TSHZ3: variants seen among roughly 807,000 people sequenced by gnomAD.
The protein encoded by TSHZ3 is teashirt zinc finger homeobox 3.
Under a neutral mutation model 64.5 loss-of-function variants are expected in TSHZ3, and 10 were observed. The ratio of observed to expected loss-of-function variants is 0.16; its 90% CI spans 0.10 to 0.26. The LOEUF is 0.26. Ranked by LOEUF, TSHZ3 falls within the 10% of genes least tolerant of loss-of-function variation. TSHZ3 has a pLI of 1.00. For missense variants in TSHZ3, 1,242 were observed against 1,421.7 expected (o/e 0.87, Z 2.03); for synonymous variants, 608 against 593.1 (o/e 1.03, Z -0.36).
At chr19:31,217,449 G>A (rs1261008448) in intron 4 of TSHZ3, among the ~76,000 whole-genome samples, 1 of 152,026 alleles carries the variant, frequency 6.6e-6, no homozygotes. Flanking sequence ...TTAAGAAAAG[G>A]GAGGTCGTAA....
Position 31,278,567 on chromosome 19 carries a change from C to T in TSHZ3, c.1226G>A (p.Gly409Asp). The T allele has an allele frequency of 6.2e-7, 1 of 1,614,142 alleles. No individual in the cohort carries two copies. The highest frequency in any genetic ancestry group is 1.1e-5 in the South Asian group (1 of 91,082). The stretch of plus-strand genomic sequence containing the variant: ...AGAGTTGGTGACCTTGATGAAGTGG[C>T]CAGTGACCATCATGTGGGCAGTGAG... The part of the protein sequence containing the change: ...QELTAHMMVT[G>D]HFIKVTNSAM... Residue 409 changes from glycine (G) to aspartate (D), a missense_variant, in exon 2 of 2, where the codon GGC (glycine) becomes GAC (aspartate). Coordinates refer to ENST00000240587, the MANE Select transcript of TSHZ3 (RefSeq NM_020856.4). The surrounding 1 kb of genome is among the most constrained non-coding windows in gnomAD (Gnocchi z 4.7).
chr19:31,206,067 G>T (rs1952785753), intron 4 of TSHZ3, among the ~76,000 whole-genome samples: 1 of 148,776 alleles, frequency 6.7e-6, no homozygotes, highest in Admixed American at 6.9e-5. Context: ...TGAATAGATG[G>T]ATGGGTGAAA....
At chr19:31,266,960 C>T (rs944326411) in intron 1 of TSHZ3, among the ~76,000 whole-genome samples, 29 of 152,176 alleles carry the variant, frequency 1.9e-4, no homozygotes, top group African/African-American at 6.0e-4. Flanking sequence ...GGGCCCTGTC[C>T]GGCCCAAGGA....
intron 5 of TSHZ3, among the ~76,000 whole-genome samples, chr19:31,160,883 T>C (rs1013435713): frequency 3.9e-5 from 6 of 152,144 alleles, no homozygotes; most frequent in Admixed American, 3.9e-4. Context: ...AATGAATATA[T>C]ATATATGCTT....
chr19:31,254,786 G>A (rs760249185), intron 1 of TSHZ3, among the ~76,000 whole-genome samples: 13 of 152,166 alleles, frequency 8.5e-5, no homozygotes, highest in Non-Finnish European at 1.3e-4. Flanking sequence ...TAAGGACAGC[G>A]GGAAGTGGCC....
intron 1 of TSHZ3, among the ~76,000 whole-genome samples, chr19:31,332,579 A>C (rs1007073404): frequency 2.0e-5 from 3 of 152,222 alleles, no homozygotes; most frequent in Admixed American, 6.5e-5. Context: ...GCACAGGGCC[A>C]TCACCCATCC....
intron 3 of TSHZ3, among the ~76,000 whole-genome samples, chr19:31,229,179 T>TA (rs1278527840): frequency 2.0e-5 from 3 of 152,226 alleles, no homozygotes; most frequent in African/African-American, 7.2e-5. Context: ...CAAATTTTAA[T>TA]AAAGTTTTCT....
chr19:31,268,815 G>C (rs1273488604), intron 1 of TSHZ3, among the ~76,000 whole-genome samples: 1 of 152,156 alleles, frequency 6.6e-6, no homozygotes, highest in Non-Finnish European at 1.5e-5. Flanking sequence ...AGAGAGATGA[G>C]CTCTGAGTCT....
intron 1 of TSHZ3, among the ~76,000 whole-genome samples, chr19:31,319,743 T>C (rs928468454): frequency 6.6e-6 from 1 of 152,142 alleles, no homozygotes. Context: ...TAACACCTTT[T>C]GTCGCCCTCA....
chr19:31,161,645 C>G (rs565346781), intron 5 of TSHZ3, among the ~76,000 whole-genome samples: 3 of 152,340 alleles, frequency 2.0e-5, no homozygotes, highest in East Asian at 3.9e-4. Context: ...TCACCCTTCC[C>G]CTCAGTAACT....
intron 4 of TSHZ3, among the ~76,000 whole-genome samples, chr19:31,215,815 G>A (rs1446574376): frequency 6.6e-6 from 1 of 152,066 alleles, no homozygotes; most frequent in African/African-American, 2.4e-5. Flanking sequence ...AGCTTGCAGT[G>A]AGCCGAGATC....
At chr19:31,194,084 G>A (rs368732747) in intron 5 of TSHZ3, among the ~76,000 whole-genome samples, 1 of 150,890 alleles carries the variant, frequency 6.6e-6, no homozygotes, top group African/African-American at 2.4e-5. Context: ...TTACTAGATA[G>A]AAATTCATGA....
intron 1 of TSHZ3, among the ~76,000 whole-genome samples, chr19:31,262,253 C>T (rs972736581): frequency 1.3e-5 from 2 of 152,214 alleles, no homozygotes; most frequent in South Asian, 2.1e-4. Context: ...TCTACCTCCG[C>T]GGTACAGTAC....
intron 1 of TSHZ3, among the ~76,000 whole-genome samples, chr19:31,299,546 T>C (rs1568373570): frequency 6.6e-6 from 1 of 152,154 alleles, no homozygotes; most frequent in South Asian, 2.1e-4. Flanking sequence ...TTTCTGGATG[T>C]AGCAAAGCCT....
intron 1 of TSHZ3, among the ~76,000 whole-genome samples, chr19:31,287,218 A>G (rs539325154): frequency 9.8e-4 from 150 of 152,298 alleles, no homozygotes; most frequent in African/African-American, 2.7e-3. Context: ...CCGCTCCCCA[A>G]TGCAATTTCC....
chr19:31,162,473 T>G (rs1974384825), intron 5 of TSHZ3, among the ~76,000 whole-genome samples: 2 of 152,018 alleles, frequency 1.3e-5, no homozygotes, highest in Admixed American at 6.6e-5. Context: ...CTTGAATGGA[T>G]GAATGAGTAA....
chr19:31,200,794 G>A (rs1975072333), intron 5 of TSHZ3, among the ~76,000 whole-genome samples: 1 of 152,158 alleles, frequency 6.6e-6, no homozygotes. Context: ...CACAGTGTGG[G>A]CTGTTGGTAA....
rs750988653 is a variant in TSHZ3 at position 31,279,583 on chromosome 19, A to G, written c.210T>C (p.His70=). 4 of 1,611,584 alleles carry G rather than the reference A, an allele frequency of 2.5e-6. No homozygotes were observed. Among genetic ancestry groups the G allele is most frequent in the Non-Finnish European group, 3.4e-6 (4 of 1,178,376 alleles). The part of the protein sequence containing the change: ...QNSPAAEFSC[H]EMDSESHISE... ...TGATGTGTGACTCGCTGTCCATTTCATGGCAGGAAAACTCGGCGGCCGGGG... is the reference window on the plus strand; with the variant it reads ...TGATGTGTGACTCGCTGTCCATTTCGTGGCAGGAAAACTCGGCGGCCGGGG... The change falls in exon 2 of 2, where the codon CAT becomes CAC. Residue 70 remains histidine (H), a synonymous_variant. Coordinates refer to ENST00000240587, the MANE Select transcript of TSHZ3 (RefSeq NM_020856.4). The surrounding 1 kb of genome is among the most constrained non-coding windows in gnomAD (Gnocchi z 6.4).
chr19:31,339,710 C>T (rs993580764), intron 1 of TSHZ3, among the ~76,000 whole-genome samples: 5 of 151,742 alleles, frequency 3.3e-5, no homozygotes, highest in African/African-American at 1.2e-4. Flanking sequence ...AATTCTCCGA[C>T]GTTTCAAGTG....
Sources: allele counts gnomAD v4.1 joint callset (sites outside exome capture counted in the v4.1 genomes callset), GRCh38; gene constraint gnomAD v4.1.1; non-coding constraint Gnocchi (gnomAD v3.1); transcripts MANE v1.5; gene names NCBI Gene and HGNC (gene_info 2026-07-23, HGNC 2026-07-21).